PDE4A: variants seen among roughly 807,000 people sequenced by gnomAD.
The protein encoded by PDE4A is 3',5'-cyclic-AMP phosphodiesterase 4A.
In PDE4A, 21 loss-of-function variants were observed where a neutral mutation model predicts 73.9. That is an observed-to-expected ratio of 0.28 (90% CI 0.20 to 0.41). The LOEUF (loss-of-function observed/expected upper bound fraction) is 0.41. PDE4A is among the 10% of genes least tolerant of loss of function. The pLI is 1.00. For missense variants in PDE4A, 958 were observed against 1,211.4 expected (o/e 0.79, Z 3.10); for synonymous variants, 463 against 505.4 (o/e 0.92, Z 1.13).
chr19:10,449,921 C>A (rs1034722132), intron 4 of PDE4A, among the ~76,000 whole-genome samples: 1 of 150,106 alleles, frequency 6.7e-6, no homozygotes, highest in African/African-American at 2.4e-5. Flanking sequence ...CAAAATGAGA[C>A]CCTGTCTCTA....
chr19:10,431,253 T>C (rs1393915694), intron 1 of PDE4A, among the ~76,000 whole-genome samples: 1 of 152,196 alleles, frequency 6.6e-6, no homozygotes, highest in African/African-American at 2.4e-5. Context: ...AGACCTCTGA[T>C]AGGGCATGCA....
intron 7 of PDE4A, among the ~76,000 whole-genome samples, chr19:10,456,963 C>CG (rs1387376282): frequency 6.6e-6 from 1 of 151,768 alleles, no homozygotes; most frequent in Non-Finnish European, 1.5e-5. Context: ...TTTGGGAGGC[C>CG]GAGGCAGGCG....
At chr19:10,416,841 C>T, upstream of PDE4A, 1 of 1,532,184 alleles carries the variant, frequency 6.5e-7, no homozygotes, top group Non-Finnish European at 8.7e-7. Flanking sequence ...GCAGGGGGAG[C>T]CCTGGGGCAC....
In PDE4A at chr19:10,423,157, CTTTTTTTTTTTT is replaced by C. The variant is rs61513692; in HGVS notation, c.320+2084_320+2095del. 1.9e-5 allele frequency: 14 copies of C among 756,040 alleles called. No individual in the cohort carries two copies. In the East Asian group the frequency reaches 4.9e-4, roughly 26 times the overall value. 46.8% of individuals were successfully genotyped at this position (756,040 alleles called of 1,614,324 possible). A position where few individuals can be genotyped will look rare whatever the true frequency, so the allele number is the denominator to read the frequency against. On this transcript the variant is annotated intron_variant, in intron 1 of 14. Transcript: ENST00000380702. ...GGAGCCCAGAGACAAAACCCTTTCT[CTTTTTTTTTTTT>C]TTTTTTTTTTGACAGAGTCTCCTCT... is the stretch of plus-strand genomic sequence containing the variant.
chr19:10,427,179 A>AG (rs1476298037), intron 1 of PDE4A, among the ~76,000 whole-genome samples: 5 of 152,118 alleles, frequency 3.3e-5, no homozygotes, highest in Non-Finnish European at 5.9e-5. Flanking sequence ...AAGTGCCTGT[A>AG]ATCCCAGCTA....
rs1451580929 is a variant in PDE4A at position 10,468,373 on chromosome 19, G to A, written c.*752G>A. On this transcript the variant is annotated 3_prime_UTR_variant, in exon 15 of 15. Transcript: ENST00000380702. ...TTCACACCGCCAGCCTCGGGCCTGG[G>A]ATTTGAGGAGGGCCCTAGACCTCCT... 6.6e-6 allele frequency: 1 copy of A among 152,478 alleles called. No homozygotes were observed. The highest frequency in any genetic ancestry group is 1.5e-5 in the Non-Finnish European group (1 of 68,004). The allele number at this position is 152,478 out of a possible 1,614,324, so 9.4% of individuals were successfully genotyped here.
intron 1 of PDE4A, among the ~76,000 whole-genome samples, chr19:10,425,984 CAAAAA>C (rs1168197109): frequency 2.1e-5 from 1 of 48,382 alleles, no homozygotes; most frequent in Non-Finnish European, 3.8e-5. Flanking sequence ...GAGACCCTGT[CAAAAA>C]AAAAAAAAAA....
chr19:10,450,997 G>T, intron 6 of PDE4A, 56 bp downstream of exon 6: 1 of 1,515,530 alleles, frequency 6.6e-7, no homozygotes, highest in Non-Finnish European at 8.9e-7. Flanking sequence ...GGGGCCAGTG[G>T]GTAGAGCCAA....
At chr19:10,430,856 G>T in intron 1 of PDE4A, 1 of 1,222,628 alleles carries the variant, frequency 8.2e-7, no homozygotes, top group African/African-American at 1.6e-5. Flanking sequence ...TGGCGCGGCC[G>T]CGCGGCCTAG....
chr19:10,445,839 C>G (rs1321522104), intron 1 of PDE4A, among the ~76,000 whole-genome samples: 1 of 151,080 alleles, frequency 6.6e-6, no homozygotes, highest in Non-Finnish European at 1.5e-5. Context: ...TCATCCCACC[C>G]CCACCTTTTT....
intron 1 of PDE4A, chr19:10,423,186 G>GGAGAC: frequency 1.2e-6 from 1 of 803,514 alleles, no homozygotes; most frequent in Non-Finnish European, 1.5e-6. Context: ...TTTTGACAGA[G>GGAGAC]TCTCCTCTGT....
chr19:10,441,193 C>T (rs1224628245), intron 1 of PDE4A, among the ~76,000 whole-genome samples: 3 of 152,196 alleles, frequency 2.0e-5, no homozygotes, highest in African/African-American at 7.2e-5. Flanking sequence ...CACTGCCATG[C>T]CTGGCTAATT....
chr19:10,457,856 T>C lies in PDE4A; in HGVS notation c.878-23T>C, dbSNP rs201067341. The C allele has an allele frequency of 6.8e-6, 11 of 1,611,758 alleles. No individual in the cohort carries two copies. The East Asian group carries it at 2.5e-4, about 36-fold the overall frequency. On this transcript the variant is annotated intron_variant, in intron 7 of 14. Coordinates refer to ENST00000380702, the MANE Select transcript of PDE4A (RefSeq NM_001111307.2). ...GGGGTGGAAGGGTTGTTCACACTTG[T>C]TCCTGCTCCCCATCTTCTGCAGACA... is the stretch of plus-strand genomic sequence containing the variant.
chr19:10,462,792 C>T (rs879376988), intron 13 of PDE4A, among the ~76,000 whole-genome samples: 3 of 152,198 alleles, frequency 2.0e-5, no homozygotes, highest in Admixed American at 6.6e-5. Flanking sequence ...CCCCTTCCGA[C>T]TCCTCCCATA....
chr19:10,466,385 C>T (rs1334796610), intron 14 of PDE4A, among the ~76,000 whole-genome samples: 5 of 134,070 alleles, frequency 3.7e-5, no homozygotes, highest in Non-Finnish European at 6.2e-5. Flanking sequence ...GCAGAGGTTG[C>T]AGTGAGCCGA....
chr19:10,467,184 G>T lies in PDE4A; in HGVS notation c.2224G>T (p.Val742Phe). 3 of 1,614,142 alleles carry T rather than the reference G, an allele frequency of 1.9e-6. No homozygotes were observed. Among genetic ancestry groups the T allele is most frequent in the Non-Finnish European group, 2.5e-6 (3 of 1,180,010 alleles). The change falls in exon 15 of 15, where the codon GTC (valine) becomes TTC (phenylalanine). Residue 742 changes from valine (V) to phenylalanine (F), a missense_variant. Val to Phe is a conservative substitution (Grantham distance 50). Around this residue, in one of 3 missense-constraint regions of PDE4A, gnomAD observed 243 missense variants for 245.9 expected, o/e 0.99. Coordinates refer to ENST00000380702, the MANE Select transcript of PDE4A (RefSeq NM_001111307.2). The part of the protein sequence containing the change: ...EALTAQGLSG[V>F]EEALDATIAW... Reference sequence around the variant, plus strand: ...ATTGACTGCGCAGGGATTGTCAGGAGTCGAGGAAGCTCTGGATGCAACCAT... The same window carrying T: ...ATTGACTGCGCAGGGATTGTCAGGATTCGAGGAAGCTCTGGATGCAACCAT...
chr19:10,420,308 G>A (rs571069170), upstream of PDE4A: 53 of 846,120 alleles, frequency 6.3e-5, no homozygotes, highest in South Asian at 1.1e-3. This position sits in a 1 kb window ranked among gnomAD's most constrained non-coding sequence, Gnocchi z 6.0. Flanking sequence ...GCCAAGCAGG[G>A]TGCTTTGAAG....
At chr19:10,418,560 A>G (rs2042609415), upstream of PDE4A, among the ~76,000 whole-genome samples, 1 of 146,900 alleles carries the variant, frequency 6.8e-6, no homozygotes, top group African/African-American at 2.6e-5. Context: ...GTCATGGTCC[A>G]ATGGTTCATT....
At chr19:10,440,327 T>C (rs1326394013) in intron 1 of PDE4A, among the ~76,000 whole-genome samples, 1 of 151,728 alleles carries the variant, frequency 6.6e-6, no homozygotes, top group Non-Finnish European at 1.5e-5. Context: ...TGAGTGATGT[T>C]AAGGATTTTT....
Sources: gnomAD v4.1 joint callset for allele counts (sites outside exome capture counted in the v4.1 genomes callset) on GRCh38, gnomAD v4.1.1 for gene constraint, gnomAD v4.1.1 regional missense constraint, Gnocchi (gnomAD v3.1) non-coding constraint, MANE v1.5 for transcripts, NCBI Gene and HGNC (gene_info 2026-07-23, HGNC 2026-07-21) for gene names.